The following PITPNM1 variants were observed in gnomAD, a reference collection of about 807,000 sequenced individuals.
The protein encoded by PITPNM1 is phosphatidylinositol transfer protein membrane associated 1.
A neutral mutation model predicts 133.3 loss-of-function variants in PITPNM1; 74 were observed. That is an observed-to-expected ratio of 0.56 (90% CI 0.46 to 0.67). PITPNM1 has a LOEUF of 0.67. Among genes scored for constraint, PITPNM1 ranks in the 30% least tolerant of loss-of-function variants. PITPNM1 has a pLI of 0.00. For missense variants in PITPNM1, 1,398 were observed against 1,739.5 expected (o/e 0.80, Z 3.49); for synonymous variants, 738 against 741.4 (o/e 1.00, Z 0.08).
In PITPNM1 at chr11:67,499,954, G is replaced by A. The variant is rs1866269823; in HGVS notation, c.1023C>T (p.Asp341=). The change falls in exon 7 of 24, where the codon GAC becomes GAT. Residue 341 remains aspartate (D), a synonymous_variant. Transcript: ENST00000356404. ...ACTCTTCCTCGGAGCTGTTCTCAGA[G>A]TCTCGGGCAATGTTCTGCATGCGCC... ...SEWRMQNIAR[D]SENSSEEEFF... The A allele has an allele frequency of 6.2e-7, 1 of 1,612,592 alleles. No individual in the cohort carries two copies. Among genetic ancestry groups the A allele is most frequent in the Non-Finnish European group, 8.5e-7 (1 of 1,179,862 alleles).
At position 67,502,810 on chromosome 11, in the gene PITPNM1, G is replaced by A; in HGVS notation, c.79-92C>T. On this transcript the variant is annotated intron_variant, in intron 2 of 23. Transcript: ENST00000356404. This position sits in a 1 kb window ranked among gnomAD's most constrained non-coding sequence, Gnocchi z 5.9. ...GCCTGGTGTTCTACACAGCTCTGGG[G>A]CCCTGGTCCCAGCCTTTTCAACTCC... 1.6e-6 allele frequency: 2 copies of A among 1,278,684 alleles called. No homozygotes were observed. The highest frequency in any genetic ancestry group is 1.9e-5 in the Admixed American group (1 of 52,794). The allele number at this position is 1,278,684 out of a possible 1,614,324, so 79.2% of individuals were successfully genotyped here.
Position 67,497,614 on chromosome 11 carries a change from G to T in PITPNM1, c.1848C>A (p.Gly616=), listed in dbSNP as rs114575309. 1.6e-4 allele frequency: 262 copies of T among 1,607,168 alleles called. No individual in the cohort carries two copies. In the African/African-American group the frequency reaches 3.1e-3, roughly 19 times the overall value. ...VRDPLADGVE[G]LGRGSPEPSA... ...AGGGTTCTGGGCTGCCCCGACCCAG[G>T]CCTTCCACACCATCTGCCAGGGGGT... Residue 616 remains glycine, a synonymous_variant, in exon 13 of 24, where the codon GGC becomes GGA. Transcript: ENST00000356404.
Position 67,497,657 on chromosome 11 carries a change from T to C in PITPNM1, c.1805A>G (p.Glu602Gly). The C allele has an allele frequency of 3.7e-6, 6 of 1,610,928 alleles. No individual in the cohort carries two copies. The highest frequency in any genetic ancestry group is 5.1e-6 in the Non-Finnish European group (6 of 1,179,364). ...CAGGGGGTCCCGCACTGGGCCAAAC[T>C]CCGGAGAGAGCAGCTCATTGTTCTG... ...GSMNNELLSPEFGPVRDPLAD... is the reference protein window; with the variant it reads ...GSMNNELLSPGFGPVRDPLAD... Residue 602 changes from glutamate (E) to glycine (G), a missense_variant, in exon 13 of 24, where the codon GAG becomes GGG. By Grantham distance (98) the Glu-to-Gly change is moderately conservative. This residue lies in a region of PITPNM1 where 574 missense variants were observed against 698.7 expected (regional missense o/e 0.82). Coordinates refer to ENST00000356404, the MANE Select transcript of PITPNM1 (RefSeq NM_004910.3).
At chr11:67,492,791 C>T in intron 23 of PITPNM1, 143 bp downstream of exon 23, 1 of 1,076,556 alleles carries the variant, frequency 9.3e-7, no homozygotes, top group Non-Finnish European at 1.3e-6. Context: ...TGCTCATGGC[C>T]CTTGTCCTCG....
chr11:67,502,451 C>CA lies in PITPNM1; in HGVS notation c.294-39dup. The CA allele has an allele frequency of 1.9e-6, 3 of 1,613,522 alleles. No individual in the cohort carries two copies. Among genetic ancestry groups the CA allele is most frequent in the Non-Finnish European group, 2.5e-6 (3 of 1,179,892 alleles). On this transcript the variant is annotated intron_variant, in intron 3 of 23. Coordinates refer to ENST00000356404, the MANE Select transcript of PITPNM1 (RefSeq NM_004910.3). This position sits in a 1 kb window ranked among gnomAD's most constrained non-coding sequence, Gnocchi z 5.9. ...CACGGGTGAGGCTCACTGCTGTACC[C>CA]ACCAGGGCCGCTCCCCTCCTGGCCT...
chr11:67,497,809 C>G (rs1246652164), intron 12 of PITPNM1, 108 bp downstream of exon 12: 1 of 1,468,720 alleles, frequency 6.8e-7, no homozygotes, highest in Non-Finnish European at 9.3e-7. Context: ...ACTGGCAGGG[C>G]AGCAGGGGGC....
chr11:67,504,700 C>T lies in PITPNM1; in HGVS notation c.-41-479G>A, dbSNP rs1866443117. On this transcript the variant is annotated intron_variant, in intron 1 of 23. Transcript: ENST00000356404. The surrounding 1 kb of genome is among the most constrained non-coding windows in gnomAD (Gnocchi z 5.4). ...CAAGTCCCCCACTCTCGGACGTCCA[C>T]CTAGAGCTTTGTTCCCCGAGTGTCT... The T allele has an allele frequency of 6.6e-6, 1 of 152,342 alleles. No individual in the cohort carries two copies. The highest frequency in any genetic ancestry group is 2.1e-4 in the South Asian group (1 of 4,834). The allele number at this position is 152,342 out of a possible 1,614,324, so 9.4% of individuals were successfully genotyped here.
At chr11:67,496,420 TG>T in intron 14 of PITPNM1, 72 bp from the exon 15 acceptor site, 1 of 1,389,042 alleles carries the variant, frequency 7.2e-7, no homozygotes, top group Non-Finnish European at 9.7e-7. Flanking sequence ...GTAGGGGGTG[TG>T]GGAGCAGCAC....
rs1865946670 is a variant in PITPNM1 at position 67,492,195 on chromosome 11, G to A, written c.3573C>T (p.Ser1191=). ...GPPRAALGKS[S]YGVAAPVDFL... ...AGTCCACGGGGGCAGCCACACCATA[G>A]CTGCTCTTGCCCAAGGCAGCTCTCG... is the stretch of plus-strand genomic sequence containing the variant. Residue 1191 remains serine, a synonymous_variant, in exon 24 of 24, where the codon AGC becomes AGT. Transcript: ENST00000356404. 2.5e-6 allele frequency: 4 copies of A among 1,611,286 alleles called. No individual in the cohort carries two copies. The African/African-American group carries it at 4.0e-5, about 16-fold the overall frequency.
intron 8 of PITPNM1, among the ~76,000 whole-genome samples, chr11:67,499,456 T>C (rs1286703113): frequency 2.6e-5 from 4 of 150,970 alleles, no homozygotes; most frequent in South Asian, 2.1e-4. Flanking sequence ...AAAGCCAGCA[T>C]AGACATCACC....
intron 19 of PITPNM1, 30 bp from the exon 20 acceptor site, chr11:67,494,100 G>A: frequency 6.3e-7 from 1 of 1,598,348 alleles, no homozygotes; most frequent in Non-Finnish European, 8.5e-7. Context: ...GGAGGTAAAT[G>A]GGGGCCCTGC....
In PITPNM1 at chr11:67,492,078, C is replaced by T; in HGVS notation, c.3690G>A (p.Arg1230=). The T allele has an allele frequency of 6.2e-7, 1 of 1,612,572 alleles. No individual in the cohort carries two copies. The highest frequency in any genetic ancestry group is 8.5e-7 in the Non-Finnish European group (1 of 1,179,902). ...TCAGGCTGATGCTCCGTGCTTTGCC[C>T]CGTGCCAGGGTGGTGGGTGGTGTTC... ...GPGTPPTTLA[R]GKARSISLKL... is the part of the protein sequence containing the mutation. Residue 1230 remains arginine (R), a synonymous_variant, in exon 24 of 24, where the codon CGG becomes CGA. Transcript: ENST00000356404.
At position 67,500,374 on chromosome 11, in the gene PITPNM1, G is replaced by C; in HGVS notation, c.688C>G (p.Gln230Glu). The change falls in exon 6 of 24, where the codon CAG becomes GAG. Residue 230 changes from glutamine (Q) to glutamate (E), a missense_variant. By Grantham distance (29) the Gln-to-Glu change is conservative. Transcript: ENST00000356404. ...LRAHRQAWCW[Q>E]DEWTELSMAD... ...ATGCTCAGCTCTGTCCACTCATCCT[G>C]CCAGCACCAGGCCTGGCGGTGGGCC... 1 of 1,611,948 alleles carries C rather than the reference G, an allele frequency of 6.2e-7. No homozygotes were observed. Among genetic ancestry groups the C allele is most frequent in the Non-Finnish European group, 8.5e-7 (1 of 1,179,908 alleles).
Position 67,495,598 on chromosome 11 carries a change from G to A in PITPNM1, c.2322C>T (p.Asp774=). The A allele has an allele frequency of 6.4e-7, 1 of 1,566,558 alleles. No homozygotes were observed. The highest frequency in any genetic ancestry group is 8.6e-7 in the Non-Finnish European group (1 of 1,162,456). ...AGAGGCTGGAGTGCGTCTGCAGAGT[G>A]TCGGCTGGGGGAAGGAGGGCAAGGT... ...LGDGSSLLLA[D]TLQTHSSLFL... The change falls in exon 16 of 24, where the codon GAC becomes GAT. Residue 774 remains aspartate, a synonymous_variant. Coordinates refer to ENST00000356404, the MANE Select transcript of PITPNM1 (RefSeq NM_004910.3).
chr11:67,499,943 C>A lies in PITPNM1; in HGVS notation c.1034G>T (p.Ser345Ile). ...GGCATCAAAGAACTCTTCCTCGGAG[C>A]TGTTCTCAGAGTCTCGGGCAATGTT... The part of the protein sequence containing the change: ...MQNIARDSEN[S>I]SEEEFFDAHE... Residue 345 changes from serine (S) to isoleucine (I), a missense_variant, in exon 7 of 24, where the codon AGC becomes ATC. By Grantham distance (142) the Ser-to-Ile change is moderately radical (BLOSUM62 -2). Transcript: ENST00000356404. 4 of 1,612,456 alleles carry A rather than the reference C, an allele frequency of 2.5e-6. No individual in the cohort carries two copies. Among genetic ancestry groups the A allele is most frequent in the Non-Finnish European group, 3.4e-6 (4 of 1,179,752 alleles).
At chr11:67,496,975 T>G (rs2134292323) in intron 14 of PITPNM1, 2 of 380,222 alleles carry the variant, frequency 5.3e-6, no homozygotes, top group Non-Finnish European at 9.3e-6. Context: ...GGCTTCGATT[T>G]GCTGCTGTGG....
rs146867265 is a variant in PITPNM1 at position 67,494,908 on chromosome 11, T to C, written c.2680A>G (p.Ile894Val). Residue 894 changes from isoleucine (I) to valine (V), a missense_variant, in exon 18 of 24, where the codon ATC becomes GTC. Physicochemically the swap from Ile to Val is conservative, Grantham distance 29. Transcript: ENST00000356404. Reference protein sequence around the residue: ...PQLAECEEPSIYSPAFPREKW... With the variant: ...PQLAECEEPSVYSPAFPREKW... ...TCCCTGGGGAAGGCCGGGCTGTAGA[T>C]GGACGGCTCCTCGCATTCCGCCAGC... The C allele has an allele frequency of 1.2e-6, 2 of 1,612,838 alleles. No individual in the cohort carries two copies. Among genetic ancestry groups the C allele is most frequent in the Admixed American group, 1.7e-5 (1 of 59,982 alleles).
At chr11:67,493,181 A>T (rs931583956) in intron 22 of PITPNM1, 119 bp from the exon 23 acceptor site, 6 of 1,304,444 alleles carry the variant, frequency 4.6e-6, no homozygotes, top group Non-Finnish European at 5.4e-6. Flanking sequence ...AGGCGAAGAC[A>T]GGTCCCAGTC....
chr11:67,500,573 G>T, intron 5 of PITPNM1, 152 bp from the exon 6 acceptor site: 1 of 708,692 alleles, frequency 1.4e-6, no homozygotes, highest in Non-Finnish European at 2.3e-6. Flanking sequence ...GTCCAGGAAT[G>T]GGAGTGGAAA....
Sources: allele counts gnomAD v4.1 joint callset (sites outside exome capture counted in the v4.1 genomes callset), GRCh38; gene constraint gnomAD v4.1.1; regional missense constraint gnomAD v4.1.1; non-coding constraint Gnocchi (gnomAD v3.1); transcripts MANE v1.5; gene names NCBI Gene and HGNC (gene_info 2026-07-23, HGNC 2026-07-21).